The following TAC4 variants were observed in gnomAD, a reference collection of about 807,000 sequenced individuals.
TAC4 encodes the protein tachykinin precursor 4, also known as tachykinin-4.
TAC4 carries 17 observed loss-of-function variants against 17.7 expected under a neutral mutation model. That is an observed-to-expected ratio of 0.96 (90% CI 0.66 to 1.44). The LOEUF (loss-of-function observed/expected upper bound fraction) is 1.44, where lower values mean the gene tolerates loss of function less well. Among genes scored for constraint, TAC4 ranks in the 40% most tolerant of loss-of-function variants. TAC4 has a pLI of 0.00. For synonymous variants in TAC4, 62 were observed against 52.4 expected (o/e 1.18, Z -0.79); for missense variants, 118 against 125.6 (o/e 0.94, Z 0.29).
intron 3 of TAC4, among the ~76,000 whole-genome samples, chr17:49,840,541 C>T (rs938218901): frequency 3.3e-5 from 5 of 152,014 alleles, no homozygotes; most frequent in Non-Finnish European, 7.4e-5. Context: ...TCGCTCTTGT[C>T]GCCCAGCCTG....
At position 49,847,694 on chromosome 17, in the gene TAC4, C is replaced by G. The variant is rs113382605; in HGVS notation, c.105+219G>C. 0.014 allele frequency: 2,263 copies of G among 166,238 alleles called. 44 individuals carry two copies. In the African/African-American group the frequency reaches 0.15, roughly 11 times the overall value. The allele number at this position is 166,238 out of a possible 1,614,324, so 10.3% of individuals were successfully genotyped here. On this transcript the variant is annotated intron_variant, in intron 1 of 4. Transcript: ENST00000436235. ...TTACACACACACACACACACACAGA[C>G]ACACACACACACACACACACACACA...
chr17:49,844,944 T>C (rs1249232771), intron 1 of TAC4, among the ~76,000 whole-genome samples: 1 of 152,142 alleles, frequency 6.6e-6, no homozygotes, highest in Admixed American at 6.6e-5. Flanking sequence ...GAAACTGAGA[T>C]GTAAGGAGGT....
At chr17:49,843,594 A>G (rs1197934942) in intron 2 of TAC4, among the ~76,000 whole-genome samples, 2 of 152,072 alleles carry the variant, frequency 1.3e-5, no homozygotes, top group Non-Finnish European at 1.5e-5. Flanking sequence ...TCCTGGTTGC[A>G]TGCTAATTTC....
At chr17:49,846,187 A>G in intron 1 of TAC4, 2 of 1,288,724 alleles carry the variant, frequency 1.6e-6, no homozygotes, top group Non-Finnish European at 2.0e-6. Flanking sequence ...CATTTAACCC[A>G]AATCCCCAAC....
At chr17:49,839,804 C>A (rs1243574386) in intron 4 of TAC4, 46 bp downstream of exon 4, 5 of 1,575,284 alleles carry the variant, frequency 3.2e-6, no homozygotes, top group Non-Finnish European at 4.3e-6. Context: ...AAGTGTCTGG[C>A]CATTTTCCCA....
Position 49,838,692 on chromosome 17 carries a change from A to G in TAC4, c.293-19T>C, listed in dbSNP as rs1231256277. On this transcript the variant is annotated intron_variant, in intron 4 of 4. Transcript: ENST00000436235. ...TCTCTGCCTGGGGAGAGTTTGGTAT[A>G]TGAACCATGGTTAGTCGGGGGTCTT... 1.4e-5 allele frequency: 23 copies of G among 1,611,616 alleles called. No individual in the cohort carries two copies. Among genetic ancestry groups the G allele is most frequent in the Non-Finnish European group, 1.9e-5 (22 of 1,179,110 alleles).
At chr17:49,839,725 C>G (rs2074482619) in intron 4 of TAC4, 125 bp downstream of exon 4, 8 of 856,766 alleles carry the variant, frequency 9.3e-6, no homozygotes, top group Non-Finnish European at 1.4e-5. Context: ...CCCTGGGGGC[C>G]TCCCCATGAT....
intron 1 of TAC4, among the ~76,000 whole-genome samples, chr17:49,845,354 C>A (rs1168961834): frequency 1.3e-5 from 2 of 152,242 alleles, no homozygotes; most frequent in Non-Finnish European, 2.9e-5. Context: ...AAAGCCTTCT[C>A]CCTCTCTGAC....
At chr17:49,847,517 C>T (rs1489414537) in intron 1 of TAC4, 1 of 345,282 alleles carries the variant, frequency 2.9e-6, no homozygotes, top group African/African-American at 2.1e-5. Context: ...CTTGGACAAA[C>T]TACTTGACTT....
At chr17:49,845,623 A>G (rs1349145895) in intron 1 of TAC4, among the ~76,000 whole-genome samples, 1 of 152,152 alleles carries the variant, frequency 6.6e-6, no homozygotes, top group African/African-American at 2.4e-5. Flanking sequence ...CTAAAGATAG[A>G]CAAACAGAGC....
chr17:49,838,349 T>C lies in TAC4; in HGVS notation c.*293A>G, dbSNP rs2074471685. 3.9e-6 allele frequency: 2 copies of C among 510,592 alleles called. No homozygotes were observed. The highest frequency in any genetic ancestry group is 2.0e-5 in the African/African-American group (1 of 50,856). 31.6% of individuals were successfully genotyped at this position (510,592 alleles called of 1,614,324 possible). On this transcript the variant is annotated 3_prime_UTR_variant, in exon 5 of 5. Coordinates refer to ENST00000436235, the MANE Select transcript of TAC4 (RefSeq NM_001077506.2). ...TGCCTACTGTGTGCTAGGCACAGGA[T>C]ACAGAGTGTGCGAGTCTCCTCACTG... is the stretch of plus-strand genomic sequence containing the variant.
At chr17:49,843,775 A>G (rs1384917981) in intron 2 of TAC4, among the ~76,000 whole-genome samples, 3 of 152,032 alleles carry the variant, frequency 2.0e-5, no homozygotes, top group Non-Finnish European at 2.9e-5. Context: ...TGTATTTTTA[A>G]TAGAGATGGG....
chr17:49,842,770 T>TA (rs2074508450), intron 2 of TAC4, among the ~76,000 whole-genome samples: 2 of 152,246 alleles, frequency 1.3e-5, no homozygotes, highest in African/African-American at 4.8e-5. Flanking sequence ...AAGTAACCAC[T>TA]GTTTACAGTT....
intron 3 of TAC4, among the ~76,000 whole-genome samples, chr17:49,840,887 CTTT>C (rs778120935): frequency 8.8e-5 from 7 of 79,550 alleles, no homozygotes; most frequent in Non-Finnish European, 1.3e-4. Flanking sequence ...TAGATTTGTA[CTTT>C]TTTTTTTTTT....
chr17:49,839,766 C>T, intron 4 of TAC4, 84 bp downstream of exon 4: 1 of 1,340,312 alleles, frequency 7.5e-7, no homozygotes, highest in Non-Finnish European at 1.0e-6. Context: ...GTCTAGCTGC[C>T]CAGCCCCCAT....
intron 3 of TAC4, among the ~76,000 whole-genome samples, chr17:49,840,923 C>T (rs1469778545): frequency 1.9e-5 from 2 of 107,876 alleles, no homozygotes; most frequent in African/African-American, 3.8e-5. Context: ...GAGACAGAGT[C>T]TCCCTCTGTC....
chr17:49,847,770 C>G, intron 1 of TAC4, 143 bp downstream of exon 1: 2 of 1,401,820 alleles, frequency 1.4e-6, no homozygotes, highest in African/African-American at 2.8e-5. Flanking sequence ...TGAATCTACC[C>G]ATGGTAGAGA....
chr17:49,839,742 TG>T, intron 4 of TAC4, 107 bp downstream of exon 4: 1 of 1,050,852 alleles, frequency 9.5e-7, no homozygotes, highest in Non-Finnish European at 1.4e-6. Context: ...TGATGGCTTG[TG>T]GGGAGCCTGT....
intron 1 of TAC4, 83 bp downstream of exon 1, chr17:49,847,830 G>A (rs1196396349): frequency 6.2e-7 from 1 of 1,607,616 alleles, no homozygotes; most frequent in Non-Finnish European, 8.5e-7. Context: ...AGCCATGCAG[G>A]GGATCTTCTG....
Sources: allele counts gnomAD v4.1 joint callset (sites outside exome capture counted in the v4.1 genomes callset), GRCh38; gene constraint gnomAD v4.1.1; transcripts MANE v1.5; gene names NCBI Gene and HGNC (gene_info 2026-07-23, HGNC 2026-07-21).